TANC2: variants seen among roughly 807,000 people sequenced by gnomAD.
The protein encoded by TANC2 is tetratricopeptide repeat, ankyrin repeat and coiled-coil containing 2.
TANC2 carries 26 observed loss-of-function variants against 210.5 expected under a neutral mutation model. The ratio of observed to expected loss-of-function variants is 0.12; its 90% confidence interval spans 0.09 to 0.17. TANC2 has a LOEUF of 0.17. Among genes scored for constraint, TANC2 ranks in the 10% least tolerant of loss-of-function variants. TANC2 has a pLI of 1.00. For missense variants in TANC2, 2,129 were observed against 2,608.9 expected (o/e 0.82, Z 4.01); for synonymous variants, 931 against 967.1 (o/e 0.96, Z 0.69).
intron 1 of TANC2, among the ~76,000 whole-genome samples, chr17:63,002,669 A>T (rs540326806): frequency 6.6e-6 from 1 of 152,320 alleles, no homozygotes; most frequent in South Asian, 2.1e-4. Flanking sequence ...ATCTACCCCC[A>T]AGAGACAACC....
At chr17:62,989,160 T>G (rs1046539240) in intron 1 of TANC2, among the ~76,000 whole-genome samples, 3 of 152,234 alleles carry the variant, frequency 2.0e-5, no homozygotes, top group African/African-American at 7.2e-5. Context: ...GGACTGATGC[T>G]TCTTTTAGGC....
chr17:63,165,976 C>T (rs1256518467), intron 5 of TANC2, among the ~76,000 whole-genome samples: 2 of 152,208 alleles, frequency 1.3e-5, no homozygotes, highest in Non-Finnish European at 2.9e-5. Flanking sequence ...GGTTCTTGAG[C>T]TGGTCAAATA....
chr17:63,155,719 A>G (rs1427976382), intron 5 of TANC2, among the ~76,000 whole-genome samples: 1 of 152,206 alleles, frequency 6.6e-6, no homozygotes, highest in African/African-American at 2.4e-5. Flanking sequence ...AGTGTCTTTC[A>G]AAGGACAGTG....
chr17:63,376,314 G>A (rs996389343), intron 14 of TANC2, among the ~76,000 whole-genome samples: 6 of 152,014 alleles, frequency 3.9e-5, no homozygotes, highest in Admixed American at 3.3e-4. Flanking sequence ...ATGGTGGCAG[G>A]CGCCTGTAGT....
At chr17:63,338,677 T>C (rs996861755) in intron 11 of TANC2, among the ~76,000 whole-genome samples, 1 of 152,222 alleles carries the variant, frequency 6.6e-6, no homozygotes, top group African/African-American at 2.4e-5. Flanking sequence ...ATCACCAGTC[T>C]ATCTGAAGAA....
intron 9 of TANC2, among the ~76,000 whole-genome samples, chr17:63,303,553 G>T (rs887715516): frequency 6.6e-5 from 10 of 152,102 alleles, no homozygotes; most frequent in African/African-American, 2.4e-4. Context: ...CAACCTTGGA[G>T]AATCTGATGA....
intron 9 of TANC2, among the ~76,000 whole-genome samples, chr17:63,310,121 C>T (rs1448523054): frequency 1.3e-5 from 2 of 152,192 alleles, no homozygotes; most frequent in Non-Finnish European, 2.9e-5. Context: ...ACAAGTTTGG[C>T]GACATAAACT....
At position 63,421,872 on chromosome 17, in the gene TANC2, T is replaced by C; in HGVS notation, c.6142T>C (p.Tyr2048His). The C allele has an allele frequency of 6.2e-7, 1 of 1,613,998 alleles. No homozygotes were observed. Among genetic ancestry groups the C allele is most frequent in the Non-Finnish European group, 8.5e-7 (1 of 1,179,886 alleles). ...GGCTCAGGCATACCAGGACAACCTG[T>C]ACAGGCAGCTGTCCCGAGACTCTCG... Residue 2048 changes from tyrosine (Y) to histidine (H), a missense_variant, in exon 28 of 28, where the codon TAC becomes CAC. Physicochemically the swap from Tyr to His is moderately conservative, Grantham distance 83. Around this residue, in one of 5 missense-constraint regions of TANC2, gnomAD observed 161 missense variants for 178.6 expected, o/e 0.90. Transcript: ENST00000689528. The surrounding 1 kb of genome is among the most constrained non-coding windows in gnomAD (Gnocchi z 6.9).
intron 1 of TANC2, among the ~76,000 whole-genome samples, chr17:62,975,118 G>A (rs144054563): frequency 1.8e-3 from 267 of 152,252 alleles, no homozygotes; most frequent in Middle Eastern, 0.01. Flanking sequence ...AAACGAGAGT[G>A]GGTATATAGA....
At chr17:63,246,009 CAAA>C (rs35616542) in intron 8 of TANC2, among the ~76,000 whole-genome samples, 8 of 137,226 alleles carry the variant, frequency 5.8e-5, no homozygotes, top group African/African-American at 8.0e-5. Flanking sequence ...GACGCTGTCT[CAAA>C]AAAAAAAAAA....
intron 2 of TANC2, among the ~76,000 whole-genome samples, chr17:63,052,334 T>C (rs1197051272): frequency 6.6e-6 from 1 of 151,794 alleles, no homozygotes. Context: ...AGTTCAAAGA[T>C]TGAGTCCAGC....
At chr17:63,167,670 A>G (rs1281241902) in intron 5 of TANC2, among the ~76,000 whole-genome samples, 1 of 152,082 alleles carries the variant, frequency 6.6e-6, no homozygotes, top group Non-Finnish European at 1.5e-5. Context: ...TGCCCAGTGT[A>G]ATAGTTTTAT....
intron 14 of TANC2, among the ~76,000 whole-genome samples, chr17:63,355,736 A>G (rs780969193): frequency 5.3e-5 from 8 of 152,232 alleles, no homozygotes; most frequent in Non-Finnish European, 8.8e-5. Flanking sequence ...AAGAATTGAT[A>G]TATTGTAAAT....
chr17:63,021,817 C>T (rs2034359790), intron 2 of TANC2, among the ~76,000 whole-genome samples: 1 of 152,046 alleles, frequency 6.6e-6, no homozygotes, highest in East Asian at 1.9e-4. Context: ...GGTGAAGACA[C>T]CAAGAAATCC....
chr17:63,252,210 T>G (rs958488860), intron 8 of TANC2, among the ~76,000 whole-genome samples: 105 of 152,212 alleles, frequency 6.9e-4, no homozygotes, highest in African/African-American at 2.3e-3. Context: ...AAAATATATC[T>G]GTATTAGGCT....
chr17:63,096,787 A>C (rs931979871), intron 3 of TANC2, among the ~76,000 whole-genome samples: 12 of 152,128 alleles, frequency 7.9e-5, no homozygotes, highest in Admixed American at 5.2e-4. Context: ...TGGCTAAGTT[A>C]TATGGTAATT....
At chr17:63,340,455 C>A in intron 12 of TANC2, 123 bp downstream of exon 12, 1 of 781,208 alleles carries the variant, frequency 1.3e-6, no homozygotes, top group Non-Finnish European at 1.9e-6. Flanking sequence ...AGCTGGATAT[C>A]CTGTAGGATA....
intron 8 of TANC2, among the ~76,000 whole-genome samples, chr17:63,255,343 C>T (rs1049218576): frequency 2.0e-5 from 3 of 152,060 alleles, no homozygotes; most frequent in Non-Finnish European, 2.9e-5. Context: ...CCGCCTGCCT[C>T]GGCCTCCCAA....
At chr17:63,228,389 C>T (rs1226858696) in intron 7 of TANC2, among the ~76,000 whole-genome samples, 1 of 152,110 alleles carries the variant, frequency 6.6e-6, no homozygotes, top group African/African-American at 2.4e-5. Context: ...GTTCCTTTTG[C>T]TTAGGATTGC....
Sources: gnomAD v4.1 joint callset for allele counts (sites outside exome capture counted in the v4.1 genomes callset) on GRCh38, gnomAD v4.1.1 for gene constraint, gnomAD v4.1.1 regional missense constraint, Gnocchi (gnomAD v3.1) non-coding constraint, MANE v1.5 for transcripts, NCBI Gene and HGNC (gene_info 2026-07-23, HGNC 2026-07-21) for gene names.